TNKS: variants seen among roughly 807,000 people sequenced by gnomAD.
TNKS encodes tankyrase.
In TNKS, 72 loss-of-function variants were observed where a neutral mutation model predicts 135.8. That is an observed-to-expected ratio of 0.53 (90% CI 0.44 to 0.64). TNKS has a LOEUF of 0.64. Among genes scored for constraint, TNKS ranks in the 30% least tolerant of loss-of-function variants. The pLI, the probability that TNKS is intolerant of heterozygous loss-of-function variation, is 0.00. For missense variants in TNKS, 1,769 were observed against 1,674.0 expected, an observed-to-expected ratio of 1.06 and a Z score of -0.99; for synonymous variants, 849 against 649.3, an observed-to-expected ratio of 1.31 and a Z score of -4.68.
chr8:9,719,565 C>T (rs935050986), intron 11 of TNKS, among the ~76,000 whole-genome samples: 1 of 152,252 alleles, frequency 6.6e-6, no homozygotes, highest in African/African-American at 2.4e-5. Context: ...AGGAAGACTT[C>T]TTGGAGATGA....
intron 5 of TNKS, among the ~76,000 whole-genome samples, chr8:9,700,287 C>T (rs1803732563): frequency 6.6e-6 from 1 of 152,080 alleles, no homozygotes; most frequent in Non-Finnish European, 1.5e-5. Context: ...ATATGCATTT[C>T]CTTTAGAGAA....
intron 8 of TNKS, 149 bp downstream of exon 8, chr8:9,707,146 T>A (rs1356930788): frequency 1.0e-5 from 7 of 696,598 alleles, no homozygotes; most frequent in African/African-American, 1.9e-5. Context: ...TCTTCATGAA[T>A]TCCATGGGAA....
chr8:9,617,524 C>G (rs1466728048), intron 3 of TNKS, among the ~76,000 whole-genome samples: 1 of 152,086 alleles, frequency 6.6e-6, no homozygotes, highest in African/African-American at 2.4e-5. Flanking sequence ...GGAATATAAA[C>G]CAGTTCTGTT....
At chr8:9,684,613 C>T (rs1802910844) in intron 5 of TNKS, among the ~76,000 whole-genome samples, 2 of 152,052 alleles carry the variant, frequency 1.3e-5, no homozygotes, top group African/African-American at 4.8e-5. Context: ...ATCTACTCTG[C>T]CTACTGTTGC....
intron 26 of TNKS, among the ~76,000 whole-genome samples, chr8:9,770,871 A>G (rs1807788507): frequency 6.6e-6 from 1 of 152,164 alleles, no homozygotes; most frequent in Non-Finnish European, 1.5e-5. Flanking sequence ...AAAACAGTGA[A>G]ACTCTTAAGC....
In TNKS at chr8:9,751,692, G is replaced by A; in HGVS notation, c.2916G>A (p.Val972=). 1 of 1,614,174 alleles carries A rather than the reference G, an allele frequency of 6.2e-7. No individual in the cohort carries two copies. The highest frequency in any genetic ancestry group is 1.7e-5 in the Admixed American group (1 of 60,026). The change falls in exon 19 of 27, where the codon GTG becomes GTA. Residue 972 remains valine (V), a synonymous_variant. Coordinates refer to ENST00000310430, the MANE Select transcript of TNKS (RefSeq NM_003747.3). The stretch of plus-strand genomic sequence containing the variant: ...GTTTTAAACCTCAGGCTACTGTAGT[G>A]AGTGCCTCTCTGATCTCACCAGCAT... The part of the protein sequence containing the change: ...PTCFKPQATV[V]SASLISPAST...
chr8:9,625,124 A>C (rs1467469019), intron 3 of TNKS, among the ~76,000 whole-genome samples: 3 of 152,012 alleles, frequency 2.0e-5, no homozygotes, highest in African/African-American at 7.2e-5. Context: ...TAATTGGGTT[A>C]TTTATTTCTT....
chr8:9,618,776 A>G (rs959753367), intron 3 of TNKS, among the ~76,000 whole-genome samples: 2 of 152,148 alleles, frequency 1.3e-5, no homozygotes, highest in African/African-American at 2.4e-5. Context: ...ATCATTTGTA[A>G]TTTTGCTACT....
intron 20 of TNKS, among the ~76,000 whole-genome samples, chr8:9,753,098 C>A (rs1325891584): frequency 6.6e-6 from 1 of 152,150 alleles, no homozygotes; most frequent in Non-Finnish European, 1.5e-5. Flanking sequence ...TACTTCTCCC[C>A]AAAATTGTCT....
intron 3 of TNKS, among the ~76,000 whole-genome samples, chr8:9,667,883 T>A (rs569082787): frequency 6.6e-6 from 1 of 152,150 alleles, no homozygotes; most frequent in East Asian, 1.9e-4. Context: ...CTAGTTCTCT[T>A]TGAATCACGT....
At chr8:9,761,900 A>G (rs1807167794) in intron 21 of TNKS, among the ~76,000 whole-genome samples, 1 of 152,062 alleles carries the variant, frequency 6.6e-6, no homozygotes, top group Non-Finnish European at 1.5e-5. Flanking sequence ...CTGTCACTTG[A>G]TCCAAGCCAC....
At chr8:9,557,026 A>G (rs752741637) in intron 1 of TNKS, 13 of 259,550 alleles carry the variant, frequency 5.0e-5, no homozygotes, top group Non-Finnish European at 8.8e-5. Context: ...GAGGTTTAAT[A>G]CAACCCAACA....
intron 3 of TNKS, among the ~76,000 whole-genome samples, chr8:9,666,701 A>G (rs1182313623): frequency 1.3e-5 from 2 of 151,758 alleles, no homozygotes; most frequent in Non-Finnish European, 2.9e-5. Flanking sequence ...AGCCTGGGCG[A>G]CAGAGTGAGA....
At chr8:9,617,011 T>C (rs927121237) in intron 3 of TNKS, among the ~76,000 whole-genome samples, 1 of 152,178 alleles carries the variant, frequency 6.6e-6, no homozygotes, top group Non-Finnish European at 1.5e-5. Flanking sequence ...GCAAGACTCT[T>C]TGTATATCTA....
intron 5 of TNKS, among the ~76,000 whole-genome samples, chr8:9,703,801 C>T (rs971409827): frequency 3.9e-5 from 6 of 152,050 alleles, no homozygotes; most frequent in East Asian, 1.9e-4. Context: ...ATGAAAAACC[C>T]GTTATGGTAT....
chr8:9,559,658 G>A (rs1255303509), intron 1 of TNKS, among the ~76,000 whole-genome samples: 1 of 152,128 alleles, frequency 6.6e-6, no homozygotes, highest in Non-Finnish European at 1.5e-5. Flanking sequence ...CTGTGTCCAT[G>A]TGTACTCAAG....
chr8:9,583,342 C>T (rs1368967165), intron 2 of TNKS, among the ~76,000 whole-genome samples: 1 of 152,050 alleles, frequency 6.6e-6, no homozygotes, highest in East Asian at 1.9e-4. Flanking sequence ...ATGTTGATGA[C>T]AGTTTTTATA....
intron 17 of TNKS, among the ~76,000 whole-genome samples, chr8:9,747,268 C>T (rs559022662): frequency 1.4e-5 from 2 of 141,608 alleles, no homozygotes; most frequent in African/African-American, 5.1e-5. Flanking sequence ...TTCCCCCCCT[C>T]AAAAAAATGT....
intron 5 of TNKS, among the ~76,000 whole-genome samples, chr8:9,698,660 A>G (rs943158992): frequency 7.9e-5 from 12 of 152,216 alleles, no homozygotes; most frequent in Non-Finnish European, 1.5e-4. Context: ...TCATTTTTGC[A>G]TGCCATGCTT....
Sources: gnomAD v4.1 joint callset for allele counts (sites outside exome capture counted in the v4.1 genomes callset) on GRCh38, gnomAD v4.1.1 for gene constraint, MANE v1.5 for transcripts, NCBI Gene and HGNC (gene_info 2026-07-23, HGNC 2026-07-21) for gene names.